RRM2: variants seen among roughly 807,000 people sequenced by gnomAD.
RRM2 encodes ribonucleoside-diphosphate reductase subunit M2.
RRM2 carries 6 observed loss-of-function variants against 45.9 expected under a neutral mutation model. The ratio of observed to expected loss-of-function variants is 0.13; its 90% CI spans 0.07 to 0.26. The LOEUF is 0.26. Among genes scored for constraint, RRM2 ranks in the 10% least tolerant of loss-of-function variants. The pLI, the probability that RRM2 is intolerant of heterozygous loss-of-function variation, is 1.00. For synonymous variants in RRM2, 177 were observed against 173.0 expected, an observed-to-expected ratio of 1.02 and a Z score of -0.18; for missense variants, 343 against 489.5, an observed-to-expected ratio of 0.70 and a Z score of 2.82.
At position 10,169,334 on chromosome 2, in the gene RRM2, T is replaced by TGC. The variant is rs1663747695; in HGVS notation, n.482+26960_482+26961dup. Among the ~76,000 whole-genome samples, 1 of 152,090 alleles carries TGC rather than the reference T, an allele frequency of 6.6e-6. No individual in the cohort carries two copies. The highest frequency in any genetic ancestry group is 6.6e-5 in the Admixed American group (1 of 15,250). ...CCCCCTTCAGGTGTAGTTTTAGACGTGCAACATGAGGGGAAATCTTAGGTT... is the reference window on the plus strand; with the variant it reads ...CCCCCTTCAGGTGTAGTTTTAGACGTGCGCAACATGAGGGGAAATCTTAGGTT... On this transcript the variant is annotated intron_variant and non_coding_transcript_variant, in intron 3 of 3. Coordinates refer to the RRM2 transcript ENST00000381786. The surrounding 1 kb of genome is among the most constrained non-coding windows in gnomAD (Gnocchi z 5.1).
At chr2:10,141,941 C>T (rs1438042076) in exon 2 of RRM2, 1 of 1,576,872 alleles carries the variant, frequency 6.3e-7, no homozygotes, top group East Asian at 2.3e-5. Context: ...GACCAATCAC[C>T]CACCCAGTGT....
rs1237983924 is a variant in RRM2, at chr2:10,195,988, G to T, written n.483-14323G>T. Among the ~76,000 whole-genome samples, 1 of 152,236 alleles carries T rather than the reference G, an allele frequency of 6.6e-6. No homozygotes were observed. Among genetic ancestry groups the T allele is most frequent in the East Asian group, 1.9e-4 (1 of 5,196 alleles). On this transcript the variant is annotated intron_variant and non_coding_transcript_variant, in intron 3 of 3. Transcript: ENST00000381786. This position sits in a 1 kb window ranked among gnomAD's most constrained non-coding sequence, Gnocchi z 4.9. ...TGCAGCTGCAGCCGTCTTGCTACCA[G>T]CAGGGCAAGGCAGAGCCGGCCGCCC...
rs1664155174 is a variant in RRM2, at chr2:10,185,935, C to G, written n.483-24376C>G. 6.6e-6 allele frequency among the ~76,000 whole-genome samples: 1 copy of G among 152,222 alleles called. No homozygotes were observed. The highest frequency in any genetic ancestry group is 1.5e-5 in the Non-Finnish European group (1 of 68,050). ...CTCTCTCCTTGACTGTTTCTCCTAG[C>G]TGAAGCAGTAGGCTGCTGGACAGAG... On this transcript the variant is annotated intron_variant and non_coding_transcript_variant, in intron 3 of 3. Transcript: ENST00000381786. The surrounding 1 kb of genome is among the most constrained non-coding windows in gnomAD (Gnocchi z 4.3).
chr2:10,189,830 C>G (rs1450931103), intron 3 of RRM2, among the ~76,000 whole-genome samples: 1 of 152,256 alleles, frequency 6.6e-6, no homozygotes, highest in African/African-American at 2.4e-5. Flanking sequence ...TCTGATTCAT[C>G]TTGACATCTC....
chr2:10,161,119 G>A (rs1049304476), intron 3 of RRM2, among the ~76,000 whole-genome samples: 2 of 152,132 alleles, frequency 1.3e-5, no homozygotes, highest in African/African-American at 2.4e-5. Context: ...CCAGGCTGGA[G>A]TGTGCGTGAT....
chr2:10,138,669 A>C (rs1663030916), upstream of RRM2, among the ~76,000 whole-genome samples: 1 of 152,190 alleles, frequency 6.6e-6, no homozygotes, highest in Non-Finnish European at 1.5e-5. Flanking sequence ...ACGGTTGGGG[A>C]CATCACATCA....
chr2:10,142,438 G>A (rs1178289793), intron 3 of RRM2: 27 of 1,358,972 alleles, frequency 2.0e-5, no homozygotes, highest in Non-Finnish European at 2.5e-5. Flanking sequence ...TGGCTTGCGG[G>A]GCCTGTCATC....
At chr2:10,166,382 C>T (rs971047877) in intron 3 of RRM2, among the ~76,000 whole-genome samples, 3 of 152,188 alleles carry the variant, frequency 2.0e-5, no homozygotes, top group Non-Finnish European at 2.9e-5. Flanking sequence ...TCCTGGTGGC[C>T]GATGCGCTTA....
At position 10,172,881 on chromosome 2, in the gene RRM2, C is replaced by T. The variant is rs1381512277; in HGVS notation, n.482+30506C>T. Among the ~76,000 whole-genome samples, 2 of 152,246 alleles carry T rather than the reference C, an allele frequency of 1.3e-5. No homozygotes were observed. Among genetic ancestry groups the T allele is most frequent in the Non-Finnish European group, 1.5e-5 (1 of 68,046 alleles). On this transcript the variant is annotated intron_variant and non_coding_transcript_variant, in intron 3 of 3. Transcript: ENST00000381786. This position sits in a 1 kb window ranked among gnomAD's most constrained non-coding sequence, Gnocchi z 4.9. ...CGGTGTGACCACACGGATCCCATACCGGTGATGCCAACCCCCTGAGTCCCG... is the reference window on the plus strand; with the variant it reads ...CGGTGTGACCACACGGATCCCATACTGGTGATGCCAACCCCCTGAGTCCCG...
chr2:10,132,866 C>T (rs548576429), downstream of RRM2, among the ~76,000 whole-genome samples: 6 of 152,366 alleles, frequency 3.9e-5, no homozygotes, highest in South Asian at 1.2e-3. Context: ...TCTGCTCCCC[C>T]CGGCCCCATG....
rs902278651 is a variant in RRM2 at position 10,122,747 on chromosome 2, T to C, written c.-52T>C. 4 of 1,555,700 alleles carry C rather than the reference T, an allele frequency of 2.6e-6. No individual in the cohort carries two copies. The Admixed American group carries it at 5.9e-5, about 23-fold the overall frequency. ...GGAGTGAGGGGTCGCCCGTGCACCC[T>C]GTCCCAGCCGTCCTGTCCTGGCTGC... On this transcript the variant is annotated 5_prime_UTR_variant, in exon 1 of 10. Transcript: ENST00000304567.
chr2:10,172,646 G>A lies in RRM2; in HGVS notation n.482+30271G>A, dbSNP rs1291395640. ...AGAACATTCGCCTCCTGCTGGGTCG[G>A]CCCCTTCGCCTCTTCCTTCTGTCTG... On this transcript the variant is annotated intron_variant and non_coding_transcript_variant, in intron 3 of 3. Coordinates refer to the RRM2 transcript ENST00000381786. This position sits in a 1 kb window ranked among gnomAD's most constrained non-coding sequence, Gnocchi z 4.9. Among the ~76,000 whole-genome samples, 1 of 152,146 alleles carries A rather than the reference G, an allele frequency of 6.6e-6. No homozygotes were observed. Among genetic ancestry groups the A allele is most frequent in the Non-Finnish European group, 1.5e-5 (1 of 68,010 alleles).
rs1399368305 is a variant in RRM2, at chr2:10,126,855, A to G, written c.570-20A>G. 2 of 1,594,476 alleles carry G rather than the reference A, an allele frequency of 1.3e-6. No homozygotes were observed. The highest frequency in any genetic ancestry group is 4.5e-5 in the East Asian group (2 of 44,728). ...TTTTACTGTAATGCTTCAATTGCTG[A>G]TACCGTATGTGCCTACTAGGGAATT... On this transcript the variant is annotated intron_variant, in intron 5 of 9. Transcript: ENST00000304567.
In RRM2 at chr2:10,124,778, T is replaced by C; in HGVS notation, c.497T>C (p.Ile166Thr). 6.2e-7 allele frequency: 1 copy of C among 1,612,476 alleles called. No homozygotes were observed. The highest frequency in any genetic ancestry group is 1.9e-4 in the Middle Eastern group (1 of 5,238). ...GCCCGCTGTTTCTATGGCTTCCAAA[T>C]TGCCATGGAAAACATACATTCTGAA... is the stretch of plus-strand genomic sequence containing the variant. ...TEARCFYGFQ[I>T]AMENIHSEMY... Residue 166 changes from isoleucine (I) to threonine (T), a missense_variant, in exon 5 of 10, where the codon ATT (isoleucine) becomes ACT (threonine). Transcript: ENST00000304567.
At chr2:10,137,821 C>T (rs1033861545), upstream of RRM2, among the ~76,000 whole-genome samples, 1 of 152,166 alleles carries the variant, frequency 6.6e-6, no homozygotes, top group African/African-American at 2.4e-5. Flanking sequence ...CTAGCCTCTC[C>T]TCCAGAAGGG....
chr2:10,174,637 A>G (rs1033963470), intron 3 of RRM2, among the ~76,000 whole-genome samples: 2 of 151,416 alleles, frequency 1.3e-5, no homozygotes, highest in Non-Finnish European at 2.9e-5. Context: ...CTTTGGGAGG[A>G]CAAAGGACCA....
At chr2:10,167,051 C>A (rs1458808172) in intron 3 of RRM2, among the ~76,000 whole-genome samples, 2 of 152,156 alleles carry the variant, frequency 1.3e-5, no homozygotes, top group African/African-American at 4.8e-5. Flanking sequence ...CCTTCTGGAG[C>A]AGGATGTCAA....
At chr2:10,149,627 T>C (rs780635212) in intron 3 of RRM2, among the ~76,000 whole-genome samples, 1 of 152,212 alleles carries the variant, frequency 6.6e-6, no homozygotes, top group Non-Finnish European at 1.5e-5. Context: ...TTTCTCATCT[T>C]TGGGCAAGGT....
chr2:10,180,037 T>TGGAGCCC (rs1350070486), intron 3 of RRM2, among the ~76,000 whole-genome samples: 5 of 152,168 alleles, frequency 3.3e-5, no homozygotes, highest in Non-Finnish European at 5.9e-5. Flanking sequence ...TGTGGGATGA[T>TGGAGCCC]GGAGCCCTCA....
Sources: allele counts gnomAD v4.1 joint callset (sites outside exome capture counted in the v4.1 genomes callset), GRCh38; gene constraint gnomAD v4.1.1; non-coding constraint Gnocchi (gnomAD v3.1); transcripts MANE v1.5; gene names NCBI Gene and HGNC (gene_info 2026-07-23, HGNC 2026-07-21).